Variants in ANTXR2 observed in about 807,000 individuals in gnomAD.
ANTXR2 encodes anthrax toxin receptor 2.
Under a neutral mutation model 73.7 loss-of-function variants are expected in ANTXR2, and 44 were observed. The ratio of observed to expected loss-of-function variants is 0.60; its 90% confidence interval spans 0.47 to 0.77. The LOEUF is 0.77. Among genes scored for constraint, ANTXR2 ranks in the 30% least tolerant of loss-of-function variants. The pLI is 0.00. For synonymous variants in ANTXR2, 217 were observed against 205.9 expected (o/e 1.05, Z -0.46); for missense variants, 604 against 592.5 (o/e 1.02, Z -0.20).
intron 16 of ANTXR2, among the ~76,000 whole-genome samples, chr4:79,908,041 C>T (rs1578072389): frequency 6.6e-6 from 1 of 152,182 alleles, no homozygotes; most frequent in South Asian, 2.1e-4. Context: ...TGCACTTACA[C>T]ATTTCTAAAG....
At chr4:79,955,377 G>A (rs1172087868) in intron 16 of ANTXR2, among the ~76,000 whole-genome samples, 2 of 151,974 alleles carry the variant, frequency 1.3e-5, no homozygotes, top group Non-Finnish European at 2.9e-5. Context: ...ATACTATGCA[G>A]AATATATGCC....
At chr4:79,981,791 T>C (rs2110016892) in intron 14 of ANTXR2, among the ~76,000 whole-genome samples, 1 of 152,328 alleles carries the variant, frequency 6.6e-6, no homozygotes, top group Admixed American at 6.5e-5. Flanking sequence ...GATGGAATAC[T>C]CCATGCAAGG....
chr4:80,031,349 T>C (rs1435027202), intron 10 of ANTXR2, among the ~76,000 whole-genome samples: 6 of 151,910 alleles, frequency 3.9e-5, no homozygotes, highest in Admixed American at 3.9e-4. Context: ...CTAATAATAG[T>C]TCTCAAACCC....
intron 16 of ANTXR2, among the ~76,000 whole-genome samples, chr4:79,933,733 TTG>T (rs1432170673): frequency 3.4e-5 from 2 of 58,742 alleles, no homozygotes; most frequent in Non-Finnish European, 6.3e-5. Flanking sequence ...CCTGGTGTGT[TTG>T]TTTTTTTTTT....
At position 79,978,084 on chromosome 4, in the gene ANTXR2, CCT is replaced by C. The variant is rs1729718087; in HGVS notation, c.1268_1269del (p.Glu423GlyfsTer6). The C allele has an allele frequency of 1.9e-6, 3 of 1,613,666 alleles. No individual in the cohort carries two copies. The highest frequency in any genetic ancestry group is 4.5e-5 in the East Asian group (2 of 44,856). ...CGAGGTGGTCTAGGCCTGATGGGTT[CCT>C]CTGTTTCTTCAGGAATCTTCACCAC... is the stretch of plus-strand genomic sequence containing the variant. Reference protein sequence around the residue: ...NAVVKIPEETEEPIRPRPPRP... With the variant: ...NAVVKIPEETXEPIRPRPPRP... On this transcript the variant is annotated frameshift_variant, in exon 15 of 17. Coordinates refer to ENST00000403729, the MANE Select transcript of ANTXR2 (RefSeq NM_058172.6). LOFTEE classifies it high-confidence loss of function.
At chr4:80,044,552 C>T (rs1366354330) in intron 7 of ANTXR2, among the ~76,000 whole-genome samples, 1 of 151,746 alleles carries the variant, frequency 6.6e-6, no homozygotes, top group Non-Finnish European at 1.5e-5. Flanking sequence ...TTATTTAGGA[C>T]CTATGTTGTC....
In ANTXR2 at chr4:79,982,959, A is replaced by G. The variant is rs149189120; in HGVS notation, c.1179+919T>C. Among the ~76,000 whole-genome samples the G allele has an allele frequency of 7.2e-5, 11 of 152,266 alleles. No individual in the cohort carries two copies. The East Asian group carries it at 1.7e-3, about 24-fold the overall frequency. Reference sequence around the variant, plus strand: ...AACTCTCCTTGGGAATCTGAATTTTATTGTAATGTATAAAAGGAGAAAATT... The same window carrying G: ...AACTCTCCTTGGGAATCTGAATTTTGTTGTAATGTATAAAAGGAGAAAATT... On this transcript the variant is annotated intron_variant, in intron 14 of 16. Coordinates refer to ENST00000403729, the MANE Select transcript of ANTXR2 (RefSeq NM_058172.6).
intron 10 of ANTXR2, chr4:80,024,755 C>A (rs989483901): frequency 4.7e-6 from 2 of 421,086 alleles, no homozygotes; most frequent in East Asian, 7.5e-5. Flanking sequence ...TGAGACCCCA[C>A]CTCAAAAAGA....
chr4:79,951,935 C>T (rs886636162), intron 16 of ANTXR2, among the ~76,000 whole-genome samples: 28 of 151,998 alleles, frequency 1.8e-4, no homozygotes, highest in African/African-American at 5.8e-4. Flanking sequence ...CATTATTTTA[C>T]GTTGTATATG....
chr4:79,992,026 T>C (rs992470222), intron 12 of ANTXR2, among the ~76,000 whole-genome samples: 4 of 151,950 alleles, frequency 2.6e-5, no homozygotes, highest in Non-Finnish European at 5.9e-5. Context: ...ACTACCTGGG[T>C]GATGAAATCA....
At chr4:80,001,133 T>C (rs4690133) in intron 12 of ANTXR2, among the ~76,000 whole-genome samples, 15,002 of 151,754 alleles carry the variant, frequency 0.099, 1,831 homozygotes, top group East Asian at 0.64. Flanking sequence ...TTTTAAAGGA[T>C]GCATATTGGT....
At chr4:79,908,844 A>C (rs1381368805) in intron 16 of ANTXR2, among the ~76,000 whole-genome samples, 2 of 152,172 alleles carry the variant, frequency 1.3e-5, no homozygotes, top group African/African-American at 4.8e-5. Context: ...TTCAGAGTGC[A>C]TATTAAGTGA....
chr4:79,966,439 G>A (rs1729369095), intron 16 of ANTXR2, among the ~76,000 whole-genome samples: 1 of 152,094 alleles, frequency 6.6e-6, no homozygotes, highest in South Asian at 2.1e-4. Context: ...CATAGATAAA[G>A]CATTACCAAA....
intron 16 of ANTXR2, among the ~76,000 whole-genome samples, chr4:79,916,762 G>A (rs994819488): frequency 6.6e-6 from 1 of 152,060 alleles, no homozygotes; most frequent in African/African-American, 2.4e-5. Flanking sequence ...ACACCATTGT[G>A]GAGTGATGAA....
chr4:80,050,941 TC>T (rs1733744773), intron 7 of ANTXR2, among the ~76,000 whole-genome samples: 1 of 151,658 alleles, frequency 6.6e-6, no homozygotes, highest in South Asian at 2.1e-4. Context: ...TGTGAAAGTC[TC>T]CATAATCTGA....
intron 16 of ANTXR2, among the ~76,000 whole-genome samples, chr4:79,957,637 T>C (rs983022657): frequency 6.6e-6 from 1 of 152,098 alleles, no homozygotes; most frequent in Non-Finnish European, 1.5e-5. Context: ...TCCAAATAAA[T>C]GGAGAACATG....
chr4:79,956,734 C>T (rs1293420720), intron 16 of ANTXR2, among the ~76,000 whole-genome samples: 2 of 152,052 alleles, frequency 1.3e-5, no homozygotes, highest in Non-Finnish European at 2.9e-5. Flanking sequence ...TTGCTACCTC[C>T]CATTAGACAC....
rs1578069438 is a variant in ANTXR2, at chr4:79,904,300, C to T, written c.*3129G>A. 1 of 151,996 alleles carries T rather than the reference C, an allele frequency of 6.6e-6. No individual in the cohort carries two copies. The highest frequency in any genetic ancestry group is 1.5e-5 in the Non-Finnish European group (1 of 67,972). 9.4% of individuals were successfully genotyped at this position (151,996 alleles called of 1,614,324 possible). A position where few individuals can be genotyped will look rare whatever the true frequency, so the allele number is the denominator to read the frequency against. On this transcript the variant is annotated 3_prime_UTR_variant, in exon 17 of 17. Coordinates refer to ENST00000403729, the MANE Select transcript of ANTXR2 (RefSeq NM_058172.6). ...CAAGGGAAATATAAGCAAACTACTT[C>T]TTTCTCTAACAATCTGAAATACATG...
rs70944757 is a variant in ANTXR2 at position 79,990,383 on chromosome 4, C to CAAAAAAAAAAAAAA, written c.1042-5534_1042-5521dup. The stretch of plus-strand genomic sequence containing the variant: ...ATCAAGAATTCAATAACAACAGTTA[C>CAAAAAAAAAAAAAA]AAAAAAAAAAAAAAAAAAACACCTT... On this transcript the variant is annotated intron_variant, in intron 12 of 16. Coordinates refer to ENST00000403729, the MANE Select transcript of ANTXR2 (RefSeq NM_058172.6). Among the ~76,000 whole-genome samples, 16 of 76,894 alleles carry CAAAAAAAAAAAAAA rather than the reference C, an allele frequency of 2.1e-4. 1 individual carries two copies. The highest frequency in any genetic ancestry group is 3.8e-4 in the East Asian group (1 of 2,638). The allele number at this position is 76,894 out of a possible 152,430, so 50.4% of individuals were successfully genotyped here. A position where few individuals can be genotyped will look rare whatever the true frequency, so the allele number is the denominator to read the frequency against.
Sources: allele counts gnomAD v4.1 joint callset (sites outside exome capture counted in the v4.1 genomes callset), GRCh38; gene constraint gnomAD v4.1.1; transcripts MANE v1.5; gene names NCBI Gene and HGNC (gene_info 2026-07-23, HGNC 2026-07-21).